The following CC2D2B variants were observed in gnomAD, a reference collection of about 807,000 sequenced individuals.
CC2D2B encodes protein CC2D2B.
A neutral mutation model predicts 161.2 loss-of-function variants in CC2D2B; 128 were observed. The observed-to-expected ratio is 0.79, with a 90% CI of 0.69 to 0.92. CC2D2B has a LOEUF of 0.92. Ranked by LOEUF, CC2D2B falls within the 40% of genes least tolerant of loss-of-function variation. The pLI is 0.00. For missense variants in CC2D2B, 1,173 were observed against 1,375.1 expected, an observed-to-expected ratio of 0.85 and a Z score of 2.32; for synonymous variants, 391 against 449.8, an observed-to-expected ratio of 0.87 and a Z score of 1.65.
At chr10:95,957,492 CTG>C (rs1354822942) in intron 11 of CC2D2B, among the ~76,000 whole-genome samples, 1 of 151,094 alleles carries the variant, frequency 6.6e-6, no homozygotes, top group African/African-American at 2.4e-5. Context: ...TCAGAAAAGA[CTG>C]GAGAGGACCT....
At chr10:96,014,583 T>G (rs1037515059) in intron 29 of CC2D2B, among the ~76,000 whole-genome samples, 1 of 152,196 alleles carries the variant, frequency 6.6e-6, no homozygotes, top group Non-Finnish European at 1.5e-5. Flanking sequence ...CAACCTTGGT[T>G]CAAAATCCTA....
intron 24 of CC2D2B, among the ~76,000 whole-genome samples, chr10:95,999,553 T>C (rs2078378446): frequency 1.3e-5 from 2 of 152,168 alleles, no homozygotes; most frequent in Admixed American, 1.3e-4. Context: ...ATCTGACTGT[T>C]TTCTAACCAA....
chr10:95,938,548 C>G, intron 7 of CC2D2B, 21 bp from the exon 8 acceptor site: 1 of 668,498 alleles, frequency 1.5e-6, no homozygotes, highest in Non-Finnish European at 2.7e-6. Context: ...AAAGTAATAT[C>G]TAAGTTTTAT....
At chr10:95,958,619 T>C (rs2076660424) in intron 11 of CC2D2B, among the ~76,000 whole-genome samples, 1 of 151,844 alleles carries the variant, frequency 6.6e-6, no homozygotes, top group Non-Finnish European at 1.5e-5. Flanking sequence ...AAAAAGTCAC[T>C]AGAGAGATTC....
chr10:95,977,247 C>T (rs1263434620), intron 17 of CC2D2B, among the ~76,000 whole-genome samples: 1 of 152,072 alleles, frequency 6.6e-6, no homozygotes, highest in South Asian at 2.1e-4. Flanking sequence ...TGGTGGCACA[C>T]GCATGTAGTC....
At chr10:95,928,392 C>G (rs972420755) in intron 6 of CC2D2B, among the ~76,000 whole-genome samples, 1 of 152,046 alleles carries the variant, frequency 6.6e-6, no homozygotes, top group African/African-American at 2.4e-5. Flanking sequence ...ATGCTTAGCC[C>G]TGTACATGCA....
Position 95,966,005 on chromosome 10 carries a change from A to G in CC2D2B, c.1353+7A>G. ...GAATGGGAAAAAACTGGAGGTATTT[A>G]TATTGCAAAATAACATTAAACTCAA... is the stretch of plus-strand genomic sequence containing the variant. On this transcript the variant is annotated splice_region_variant and intron_variant, in intron 13 of 34. Transcript: ENST00000646931. 9.9e-7 allele frequency: 1 copy of G among 1,009,612 alleles called. No homozygotes were observed. The highest frequency in any genetic ancestry group is 1.7e-5 in the African/African-American group (1 of 60,032). 62.5% of individuals were successfully genotyped at this position (1,009,612 alleles called of 1,614,324 possible). A position where few individuals can be genotyped will look rare whatever the true frequency, so the allele number is the denominator to read the frequency against.
At chr10:95,977,419 ACAC>A (rs1202172307) in intron 17 of CC2D2B, among the ~76,000 whole-genome samples, 1 of 152,080 alleles carries the variant, frequency 6.6e-6, no homozygotes, top group Non-Finnish European at 1.5e-5. Context: ...AACAAAAAAA[ACAC>A]CACACCTCTC....
chr10:96,002,573 C>T (rs1433516122), intron 24 of CC2D2B, among the ~76,000 whole-genome samples: 2 of 152,068 alleles, frequency 1.3e-5, no homozygotes, highest in Non-Finnish European at 1.5e-5. Context: ...CTCCTGCTAG[C>T]ACAATGTTGT....
chr10:95,967,929 C>T (rs190335283), intron 14 of CC2D2B, among the ~76,000 whole-genome samples: 2 of 152,254 alleles, frequency 1.3e-5, no homozygotes, highest in East Asian at 3.9e-4. Context: ...TATCTTCCAC[C>T]CAGCCTTCTC....
intron 2 of CC2D2B, chr10:95,921,220 A>G (rs1262288185): frequency 6.6e-6 from 1 of 152,356 alleles, no homozygotes; most frequent in Admixed American, 6.5e-5. Flanking sequence ...CCGTCTGGCT[A>G]GGGCTTGTCT....
At position 95,992,649 on chromosome 10, in the gene CC2D2B, G is replaced by A. The variant is rs530330495; in HGVS notation, c.2594G>A (p.Arg865Gln). ...GACGGAGATATTAAGATTCTTGTCC[G>A]AATAGTGAGGGCCTATAATATTCCT... ...ISDGDIKILVRIVRAYNIPTR... is the reference protein window; with the variant it reads ...ISDGDIKILVQIVRAYNIPTR... Residue 865 changes from arginine (R) to glutamine (Q), a missense_variant, in exon 22 of 35, where the codon CGA becomes CAA. By Grantham distance (43) the Arg-to-Gln change is conservative. This residue lies in a region of CC2D2B where 598 missense variants were observed against 693.2 expected (regional missense o/e 0.86). Coordinates refer to ENST00000646931, the MANE Select transcript of CC2D2B (RefSeq NM_001349008.3). 8 of 1,234,096 alleles carry A rather than the reference G, an allele frequency of 6.5e-6. No homozygotes were observed. The highest frequency in any genetic ancestry group is 8.4e-5 in the Admixed American group (2 of 23,692). 76.4% of individuals were successfully genotyped at this position (1,234,096 alleles called of 1,614,324 possible).
chr10:96,015,466 T>C lies in CC2D2B; in HGVS notation c.3517-735T>C, dbSNP rs572001812. Among the ~76,000 whole-genome samples the C allele has an allele frequency of 3.9e-5, 4 of 103,024 alleles. No homozygotes were observed. The South Asian group carries it at 1.1e-3, about 28-fold the overall frequency. The allele number at this position is 103,024 out of a possible 152,430, so 67.6% of individuals were successfully genotyped here. On this transcript the variant is annotated intron_variant, in intron 29 of 34. Coordinates refer to ENST00000646931, the MANE Select transcript of CC2D2B (RefSeq NM_001349008.3). ...ACCCAAGTCTTTGCTAGAGTTTGTT[T>C]TTGTTTTTTTTTTCAACAAAATCCA... is the stretch of plus-strand genomic sequence containing the variant.
chr10:96,024,937 G>C (rs1403950980), intron 33 of CC2D2B, 26 bp downstream of exon 33: 13 of 1,401,090 alleles, frequency 9.3e-6, no homozygotes, highest in Non-Finnish European at 1.2e-5. Context: ...CTAATCTCTT[G>C]TTGGGTTACC....
At chr10:96,001,888 G>C (rs1002922535) in intron 24 of CC2D2B, among the ~76,000 whole-genome samples, 3 of 152,008 alleles carry the variant, frequency 2.0e-5, no homozygotes, top group African/African-American at 7.3e-5. Flanking sequence ...TTGCTTTCTT[G>C]AACTATTTAT....
chr10:95,970,676 C>T (rs1013349201), intron 15 of CC2D2B, among the ~76,000 whole-genome samples: 4 of 152,182 alleles, frequency 2.6e-5, no homozygotes, highest in African/African-American at 9.7e-5. Flanking sequence ...ATCCTACATA[C>T]CCTAAGCAAA....
At chr10:95,944,518 C>T (rs2076129796) in intron 9 of CC2D2B, among the ~76,000 whole-genome samples, 1 of 152,170 alleles carries the variant, frequency 6.6e-6, no homozygotes, top group African/African-American at 2.4e-5. Flanking sequence ...CTAAATTTTG[C>T]TCCAGATATA....
chr10:95,995,393 T>C, intron 23 of CC2D2B, 28 bp downstream of exon 23: 2 of 1,059,108 alleles, frequency 1.9e-6, no homozygotes, highest in Admixed American at 2.7e-5. Context: ...CTATAAAGTA[T>C]AATATTGATT....
chr10:95,960,292 G>C (rs2076716879), intron 11 of CC2D2B, among the ~76,000 whole-genome samples: 1 of 152,074 alleles, frequency 6.6e-6, no homozygotes, highest in African/African-American at 2.4e-5. Flanking sequence ...GGTAATGGAG[G>C]CTTACAAAAA....
Sources: allele counts gnomAD v4.1 joint callset (sites outside exome capture counted in the v4.1 genomes callset), GRCh38; gene constraint gnomAD v4.1.1; regional missense constraint gnomAD v4.1.1; transcripts MANE v1.5; gene names NCBI Gene and HGNC (gene_info 2026-07-23, HGNC 2026-07-21).